NBEA: variants seen among roughly 807,000 people sequenced by gnomAD.
NBEA encodes neurobeachin.
Under a neutral mutation model 343.4 loss-of-function variants are expected in NBEA, and 44 were observed. That is an observed-to-expected ratio of 0.13 (90% CI 0.10 to 0.16). The LOEUF (loss-of-function observed/expected upper bound fraction) is 0.16. NBEA is among the 10% of genes least tolerant of loss of function. NBEA has a pLI of 1.00. For missense variants in NBEA, 2,555 were observed against 3,631.3 expected (o/e 0.70, Z 7.62); for synonymous variants, 1,175 against 1,238.7 (o/e 0.95, Z 1.08).
In NBEA at chr13:35,272,726, C is replaced by G. The variant is rs2034263548; in HGVS notation, c.5777-17663C>G. Among the ~76,000 whole-genome samples the G allele has an allele frequency of 2.0e-5, 3 of 152,142 alleles. No homozygotes were observed. The South Asian group carries it at 6.2e-4, about 32-fold the overall frequency. On this transcript the variant is annotated intron_variant, in intron 34 of 58. Transcript: ENST00000379939. ...CAATCCTAGTCTCTGATAAAACAGA[C>G]TTTTAAACCAACAAAGATCAAAAGA...
At chr13:35,068,376 A>C (rs1317069798) in intron 8 of NBEA, among the ~76,000 whole-genome samples, 1 of 152,182 alleles carries the variant, frequency 6.6e-6, no homozygotes, top group Non-Finnish European at 1.5e-5. Context: ...AGCAGTATGA[A>C]CAAAATGAAA....
At chr13:35,031,419 T>G (rs940307848) in intron 1 of NBEA, among the ~76,000 whole-genome samples, 2 of 151,680 alleles carry the variant, frequency 1.3e-5, no homozygotes, top group Admixed American at 6.6e-5. Flanking sequence ...CATAATAAAT[T>G]TGATTTTGCT....
Position 34,942,869 on chromosome 13 carries a change from G to A in NBEA, c.49G>A (p.Val17Met). Reference sequence around the variant, plus strand: ...GGGCCCGGGGCTCGAGCCTCAGCCCGTGGGGCTCATTGCCGTCGGGGCCGC... The same window carrying A: ...GGGCCCGGGGCTCGAGCCTCAGCCCATGGGGCTCATTGCCGTCGGGGCCGC... ...GPGPGLEPQPVGLIAVGAAGG... is the reference protein window; with the variant it reads ...GPGPGLEPQPMGLIAVGAAGG... The change falls in exon 1 of 59, where the codon GTG becomes ATG. Residue 17 changes from valine to methionine, a missense_variant. Coordinates refer to ENST00000379939, the MANE Select transcript of NBEA (RefSeq NM_001385012.1). 1 of 1,412,428 alleles carries A rather than the reference G, an allele frequency of 7.1e-7. No individual in the cohort carries two copies. Among genetic ancestry groups the A allele is most frequent in the Non-Finnish European group, 9.3e-7 (1 of 1,072,752 alleles). 87.5% of individuals were successfully genotyped at this position (1,412,428 alleles called of 1,614,324 possible). A position where few individuals can be genotyped will look rare whatever the true frequency, so the allele number is the denominator to read the frequency against.
At position 34,959,535 on chromosome 13, in the gene NBEA, A is replaced by T. The variant is rs2059595509; in HGVS notation, c.294+16421A>T. On this transcript the variant is annotated intron_variant, in intron 1 of 58. Transcript: ENST00000379939. ...AACAGTTTCTCATCCAGGCCTTAGG[A>T]TAAAAAAAAATGTTCATTTTTAGGG... is the stretch of plus-strand genomic sequence containing the variant. 2.0e-5 allele frequency among the ~76,000 whole-genome samples: 3 copies of T among 151,910 alleles called. No homozygotes were observed. The South Asian group carries it at 6.2e-4, about 31-fold the overall frequency.
rs113969318 is a variant in NBEA at position 35,063,445 on chromosome 13, G to A, written c.1239+4582G>A. Among the ~76,000 whole-genome samples the A allele has an allele frequency of 3.9e-5, 6 of 152,136 alleles. 1 individual carries two copies. Among genetic ancestry groups the A allele is most frequent in the African/African-American group, 1.4e-4 (6 of 41,554 alleles). On this transcript the variant is annotated intron_variant, in intron 8 of 58. Coordinates refer to ENST00000379939, the MANE Select transcript of NBEA (RefSeq NM_001385012.1). ...ACGGGGAAGAGCTTTAAGGGCAAATGCCAGAGCCAGAATAAAGGCCATTAG... is the reference window on the plus strand; with the variant it reads ...ACGGGGAAGAGCTTTAAGGGCAAATACCAGAGCCAGAATAAAGGCCATTAG...
intron 40 of NBEA, among the ~76,000 whole-genome samples, chr13:35,455,470 C>G (rs2046531317): frequency 6.6e-6 from 1 of 151,230 alleles, no homozygotes; most frequent in Admixed American, 6.6e-5. Context: ...TCAAAACCAG[C>G]TTTTTTCGAC....
chr13:34,992,839 AT>A lies in NBEA; in HGVS notation c.295-48078del, dbSNP rs11434153. 1.6e-3 allele frequency among the ~76,000 whole-genome samples: 215 copies of A among 136,404 alleles called. 2 individuals are homozygous for A. Among genetic ancestry groups the A allele is most frequent in the African/African-American group, 4.8e-3 (176 of 36,788 alleles). 89.5% of individuals were successfully genotyped at this position (136,404 alleles called of 152,430 possible). A position where few individuals can be genotyped will look rare whatever the true frequency, so the allele number is the denominator to read the frequency against. On this transcript the variant is annotated intron_variant, in intron 1 of 58. Coordinates refer to ENST00000379939, the MANE Select transcript of NBEA (RefSeq NM_001385012.1). ...AGGCCCCCGCCACCACACCCGGCTA[AT>A]TTTTTTTTTTTTTTTGTATTTTTTA...
intron 40 of NBEA, among the ~76,000 whole-genome samples, chr13:35,470,250 C>T (rs1594743412): frequency 2.0e-5 from 3 of 152,148 alleles, no homozygotes; most frequent in South Asian, 2.1e-4. Context: ...CAAAGGAAGC[C>T]GTCCCCTTTC....
Position 35,038,079 on chromosome 13 carries a change from C to T in NBEA, c.295-2854C>T, listed in dbSNP as rs537441758. Reference sequence around the variant, plus strand: ...TGGCACTCCAACCACAAGACACAGTCCTTCCCCTTTTCCACTTTTCCCCTT... The same window carrying T: ...TGGCACTCCAACCACAAGACACAGTTCTTCCCCTTTTCCACTTTTCCCCTT... On this transcript the variant is annotated intron_variant, in intron 1 of 58. Transcript: ENST00000379939. 7.2e-5 allele frequency among the ~76,000 whole-genome samples: 11 copies of T among 152,280 alleles called. No individual in the cohort carries two copies. The South Asian group carries it at 1.9e-3, about 26-fold the overall frequency.
intron 10 of NBEA, among the ~76,000 whole-genome samples, chr13:35,072,934 C>T (rs942124974): frequency 2.0e-5 from 3 of 152,130 alleles, no homozygotes; most frequent in South Asian, 4.1e-4. Flanking sequence ...GTACTCAATT[C>T]CAGGCTACCC....
intron 17 of NBEA, among the ~76,000 whole-genome samples, chr13:35,131,792 C>T (rs777337898): frequency 1.3e-5 from 2 of 152,164 alleles, no homozygotes; most frequent in Non-Finnish European, 2.9e-5. Context: ...TAAAACAAGT[C>T]TCAGTAAATT....
chr13:35,487,803 C>A (rs1357359382), intron 41 of NBEA, among the ~76,000 whole-genome samples: 1 of 151,968 alleles, frequency 6.6e-6, no homozygotes, highest in African/African-American at 2.4e-5. Context: ...GTTGAACATA[C>A]TCCAGTCTTT....
chr13:35,201,401 T>G (rs1237843930), intron 31 of NBEA, among the ~76,000 whole-genome samples: 1 of 152,100 alleles, frequency 6.6e-6, no homozygotes, highest in East Asian at 1.9e-4. Context: ...GGAAGCATGA[T>G]AGATAACATC....
Position 35,215,640 on chromosome 13 carries a change from CACTT to C in NBEA, c.5648+4466_5648+4469del, listed in dbSNP as rs570968801. On this transcript the variant is annotated intron_variant, in intron 33 of 58. Coordinates refer to ENST00000379939, the MANE Select transcript of NBEA (RefSeq NM_001385012.1). ...TTGATTTTATATTTTATAATCTTGC[CACTT>C]ACTTTTAGTAAACGTGGTAAGTTGT... Among the ~76,000 whole-genome samples, 291 of 151,644 alleles carry C rather than the reference CACTT, an allele frequency of 1.9e-3. 1 individual carries two copies. Among genetic ancestry groups the C allele is most frequent in the African/African-American group, 6.8e-3 (282 of 41,464 alleles).
At chr13:35,268,152 A>G (rs1238457561) in intron 34 of NBEA, among the ~76,000 whole-genome samples, 1 of 152,120 alleles carries the variant, frequency 6.6e-6, no homozygotes, top group Non-Finnish European at 1.5e-5. Context: ...TGTGGTACAC[A>G]TGCAGGGGAA....
At chr13:35,282,884 G>A (rs2035149666) in intron 34 of NBEA, among the ~76,000 whole-genome samples, 1 of 151,964 alleles carries the variant, frequency 6.6e-6, no homozygotes, top group African/African-American at 2.4e-5. Flanking sequence ...ATCATTTCTG[G>A]ATTTCTTAAA....
intron 1 of NBEA, among the ~76,000 whole-genome samples, chr13:35,002,139 A>G (rs1445338166): frequency 2.0e-5 from 3 of 152,158 alleles, no homozygotes; most frequent in Non-Finnish European, 4.4e-5. Flanking sequence ...TACCCTCAGA[A>G]TGGGAGCTCA....
chr13:35,361,478 G>A (rs1315463055), intron 38 of NBEA, among the ~76,000 whole-genome samples: 1 of 152,036 alleles, frequency 6.6e-6, no homozygotes, highest in Non-Finnish European at 1.5e-5. Context: ...AGGAACAATT[G>A]AACATCCATG....
intron 41 of NBEA, among the ~76,000 whole-genome samples, chr13:35,473,640 G>T (rs1247018916): frequency 6.6e-6 from 1 of 152,100 alleles, no homozygotes. Flanking sequence ...GAGCTTGAAT[G>T]CACTGTATTT....
Sources: allele counts gnomAD v4.1 joint callset (sites outside exome capture counted in the v4.1 genomes callset), GRCh38; gene constraint gnomAD v4.1.1; transcripts MANE v1.5; gene names NCBI Gene and HGNC (gene_info 2026-07-23, HGNC 2026-07-21).